The following VWC2 variants were observed in gnomAD, a reference collection of about 807,000 sequenced individuals.
VWC2 encodes brorin.
A neutral mutation model predicts 29.8 loss-of-function variants in VWC2; 14 were observed. The observed-to-expected ratio is 0.47, with a 90% confidence interval of 0.31 to 0.74. VWC2 has a LOEUF of 0.74. VWC2 is among the 30% of genes least tolerant of loss of function. The probability of loss-of-function intolerance (pLI) is 0.05; values close to 1 mark genes in which losing one functional copy is unlikely to be tolerated. For synonymous variants in VWC2, 213 were observed against 199.0 expected (o/e 1.07, Z -0.59); for missense variants, 457 against 459.8 (o/e 0.99, Z 0.05).
At chr7:49,787,921 A>G (rs1171492934) in intron 2 of VWC2, among the ~76,000 whole-genome samples, 2 of 152,196 alleles carry the variant, frequency 1.3e-5, no homozygotes, top group African/African-American at 4.8e-5. Context: ...ATATAATTTA[A>G]TGGTCAGATC....
intron 2 of VWC2, among the ~76,000 whole-genome samples, chr7:49,784,181 AG>A: frequency 6.6e-6 from 1 of 152,220 alleles, no homozygotes; most frequent in Non-Finnish European, 1.5e-5. Context: ...GTAGTGGTGA[AG>A]GAAGAGCTTC....
At position 49,912,140 on chromosome 7, in the gene VWC2, C is replaced by T. The variant is rs143114911; in HGVS notation, c.933C>T (p.Ile311=). 1.4e-5 allele frequency: 22 copies of T among 1,613,934 alleles called. No individual in the cohort carries two copies. In the East Asian group the frequency reaches 2.9e-4, roughly 21 times the overall value. The part of the protein sequence containing the change: ...HCTYEEGTWR[I]ERQAMCTRHE... ...CTTATGAGGAAGGCACATGGAGAAT[C>T]GAGCGGCAGGCCATGTGCACGAGAC... The change falls in exon 4 of 4, where the codon ATC becomes ATT. Residue 311 remains isoleucine, a synonymous_variant. Transcript: ENST00000340652.
chr7:49,877,481 A>AATATAT (rs1220691094), intron 3 of VWC2, among the ~76,000 whole-genome samples: 6 of 12,724 alleles, frequency 4.7e-4, no homozygotes, highest in South Asian at 3.3e-3. Context: ...AAAAAAAAAA[A>AATATAT]ATATATATAT....
intron 3 of VWC2, among the ~76,000 whole-genome samples, chr7:49,862,834 G>A (rs762209688): frequency 2.6e-5 from 4 of 151,846 alleles, no homozygotes; most frequent in Non-Finnish European, 5.9e-5. Flanking sequence ...TGGTCATGAT[G>A]TATAATCCTT....
intron 2 of VWC2, among the ~76,000 whole-genome samples, chr7:49,789,120 AGT>A (rs545937457): frequency 2.0e-3 from 235 of 119,344 alleles, no homozygotes; most frequent in African/African-American, 7.2e-3. Context: ...GAGAGAGTGT[AGT>A]GTGTGTGTGA....
chr7:49,846,694 C>A (rs1789956273), intron 3 of VWC2, among the ~76,000 whole-genome samples: 2 of 152,116 alleles, frequency 1.3e-5, no homozygotes, highest in Non-Finnish European at 2.9e-5. Flanking sequence ...ATCCACTGTG[C>A]CTAAAGAGCA....
intron 2 of VWC2, among the ~76,000 whole-genome samples, chr7:49,788,841 T>A (rs1788373666): frequency 6.9e-6 from 1 of 144,070 alleles, no homozygotes; most frequent in Middle Eastern, 3.8e-3. Flanking sequence ...GGTATGAGTG[T>A]GTGTGAGCAT....
intron 3 of VWC2, among the ~76,000 whole-genome samples, chr7:49,828,673 C>G (rs948892429): frequency 6.6e-6 from 1 of 152,136 alleles, no homozygotes; most frequent in African/African-American, 2.4e-5. Context: ...TATTCTGATA[C>G]TTTGACATCT....
At chr7:49,815,593 C>A (rs896719918) in intron 3 of VWC2, among the ~76,000 whole-genome samples, 4 of 152,180 alleles carry the variant, frequency 2.6e-5, no homozygotes, top group Admixed American at 6.5e-5. Flanking sequence ...TTATACTTCT[C>A]TACCTTATTG....
rs1273051490 is a variant in VWC2, at chr7:49,919,992, A to G, written c.*7807A>G. The G allele has an allele frequency of 6.6e-6, 1 of 152,194 alleles. No homozygotes were observed. The highest frequency in any genetic ancestry group is 1.5e-5 in the Non-Finnish European group (1 of 68,030). 9.4% of individuals were successfully genotyped at this position (152,194 alleles called of 1,614,324 possible). ...AGTGAGATTCAAAATTGTGCCTTCTATTGAAGCCAAGAAAGTAAATGTCTT... is the reference window on the plus strand; with the variant it reads ...AGTGAGATTCAAAATTGTGCCTTCTGTTGAAGCCAAGAAAGTAAATGTCTT... On this transcript the variant is annotated 3_prime_UTR_variant, in exon 4 of 4. Transcript: ENST00000340652.
At chr7:49,904,367 G>A (rs989599078) in intron 3 of VWC2, among the ~76,000 whole-genome samples, 2 of 152,164 alleles carry the variant, frequency 1.3e-5, no homozygotes, top group Admixed American at 1.3e-4. Context: ...GGCTGCATAG[G>A]ACCTCCTACT....
chr7:49,797,764 T>A (rs553704316), intron 2 of VWC2, among the ~76,000 whole-genome samples: 1 of 152,326 alleles, frequency 6.6e-6, no homozygotes, highest in African/African-American at 2.4e-5. Context: ...GAAACCATGT[T>A]CTTTGGATCC....
intron 3 of VWC2, among the ~76,000 whole-genome samples, chr7:49,820,637 A>G (rs975020101): frequency 2.0e-5 from 3 of 152,172 alleles, no homozygotes; most frequent in Non-Finnish European, 2.9e-5. Context: ...CAAGAATTTG[A>G]CTTTTGTTTC....
chr7:49,899,038 C>A (rs1275131807), intron 3 of VWC2, among the ~76,000 whole-genome samples: 1 of 151,836 alleles, frequency 6.6e-6, no homozygotes, highest in Non-Finnish European at 1.5e-5. Flanking sequence ...GCTATATACA[C>A]CAAGAAACAG....
chr7:49,901,523 G>A (rs1171756500), intron 3 of VWC2, among the ~76,000 whole-genome samples: 2 of 151,490 alleles, frequency 1.3e-5, no homozygotes, highest in Non-Finnish European at 3.0e-5. Context: ...TCTATATGAG[G>A]AAAAATATAA....
chr7:49,774,304 C>T (rs1021433825), intron 1 of VWC2, among the ~76,000 whole-genome samples, 191 bp downstream of exon 1: 4 of 152,140 alleles, frequency 2.6e-5, no homozygotes, highest in Admixed American at 6.5e-5. Flanking sequence ...GTCAGCAGGG[C>T]CGGGCACGTC....
Position 49,802,732 on chromosome 7 carries a change from C to A in VWC2, c.718C>A (p.Arg240Ser). 1 of 1,614,170 alleles carries A rather than the reference C, an allele frequency of 6.2e-7. No homozygotes were observed. The highest frequency in any genetic ancestry group is 1.1e-5 in the South Asian group (1 of 91,072). Residue 240 changes from arginine to serine, a missense_variant, in exon 3 of 4, where the codon CGC becomes AGC. This residue lies in a region of VWC2 where 185 missense variants were observed against 257.1 expected (regional missense o/e 0.72). Transcript: ENST00000340652. ...TCAGGTGTCTCCATGCGAGAGGTGT[C>A]GCTGTGAAGCCAACGGTGAGGTGCT... ...EFVVSPCERC[R>S]CEANGEVLCT...
chr7:49,895,080 G>GAA (rs1340393416), intron 3 of VWC2, among the ~76,000 whole-genome samples: 2 of 152,164 alleles, frequency 1.3e-5, no homozygotes, highest in Non-Finnish European at 2.9e-5. Flanking sequence ...ATAAACATCA[G>GAA]AAATGTATTT....
intron 2 of VWC2, among the ~76,000 whole-genome samples, chr7:49,778,591 C>T (rs1167033089): frequency 6.6e-6 from 1 of 152,178 alleles, no homozygotes; most frequent in African/African-American, 2.4e-5. Context: ...TTTATTGTCT[C>T]CATTTTTGTT....
Sources: allele counts gnomAD v4.1 joint callset (sites outside exome capture counted in the v4.1 genomes callset), GRCh38; gene constraint gnomAD v4.1.1; regional missense constraint gnomAD v4.1.1; transcripts MANE v1.5; gene names NCBI Gene and HGNC (gene_info 2026-07-23, HGNC 2026-07-21).